The following CFAP47 variants were observed in gnomAD, a reference collection of about 807,000 sequenced individuals.
CFAP47 encodes the protein cilia and flagella associated protein 47.
CFAP47 carries 29 observed loss-of-function variants against 148.1 expected under a neutral mutation model. The ratio of observed to expected loss-of-function variants is 0.20; its 90% CI spans 0.15 to 0.27. CFAP47 has a LOEUF of 0.27. Ranked by LOEUF, CFAP47 falls within the 10% of genes least tolerant of loss-of-function variation. CFAP47 has a pLI of 1.00. For missense variants in CFAP47, 1,872 were observed against 1,697.5 expected (o/e 1.10, Z -1.81); for synonymous variants, 664 against 577.3 (o/e 1.15, Z -2.15).
At chrX:36,227,834 C>T (rs1421893742) in intron 45 of CFAP47, among the ~76,000 whole-genome samples, 5 of 111,892 alleles carry the variant, frequency 4.5e-5, no homozygotes, top group Non-Finnish European at 9.4e-5. Flanking sequence ...CTGCATTCTA[C>T]TTTAGGGTTG....
chrX:36,085,036 T>A (rs988067691), intron 29 of CFAP47, among the ~76,000 whole-genome samples: 11 of 111,452 alleles, frequency 9.9e-5, no homozygotes, highest in African/African-American at 3.2e-4. Flanking sequence ...CTCTATTCTG[T>A]TTCTCAAGAT....
chrX:35,962,071 T>C lies in CFAP47; in HGVS notation c.1411-4494T>C, dbSNP rs760060751. 2.7e-5 allele frequency among the ~76,000 whole-genome samples: 3 copies of C among 111,890 alleles called. No individual in the cohort carries two copies. The East Asian group carries it at 8.4e-4, about 31-fold the overall frequency. On this transcript the variant is annotated intron_variant, in intron 8 of 63. Transcript: ENST00000378653. ...GAATTCCCCTTGTGGTTTTATTCTTTAATCTATTGGTTATTTAGACATGTA... is the reference window on the plus strand; with the variant it reads ...GAATTCCCCTTGTGGTTTTATTCTTCAATCTATTGGTTATTTAGACATGTA...
chrX:36,143,708 A>G lies in CFAP47; in HGVS notation c.5536-1511A>G, dbSNP rs143290318. Among the ~76,000 whole-genome samples the G allele has an allele frequency of 5.2e-3, 582 of 111,734 alleles. 4 individuals are homozygous for G. Among genetic ancestry groups the G allele is most frequent in the African/African-American group, 0.017 (533 of 30,745 alleles). On this transcript the variant is annotated intron_variant, in intron 35 of 63. Transcript: ENST00000378653. ...TTTGGCTTCAGCTTACGTTCTGGCT[A>G]TGTTTATTGTCCTGATACCATTGCG...
chrX:36,102,979 T>C (rs1042244227), intron 32 of CFAP47, among the ~76,000 whole-genome samples: 1 of 111,567 alleles, frequency 9.0e-6, no homozygotes, highest in African/African-American at 3.3e-5. Flanking sequence ...CTTCTTATAG[T>C]GGTAAACAAA....
rs782613084 is a variant in CFAP47, at chrX:36,366,957, A to G, written c.9024-9A>G. On this transcript the variant is annotated splice_polypyrimidine_tract_variant and intron_variant, in intron 61 of 63. Transcript: ENST00000378653. Reference sequence around the variant, plus strand: ...GTAGTGTCATTTAAAATCTCCTTTTATATTCAAGGTCTCACATAACACTGA... The same window carrying G: ...GTAGTGTCATTTAAAATCTCCTTTTGTATTCAAGGTCTCACATAACACTGA... 147 of 1,096,927 alleles carry G rather than the reference A, an allele frequency of 1.3e-4. No individual in the cohort carries two copies. The African/African-American group carries it at 2.4e-3, about 18-fold the overall frequency. The allele number at this position is 1,096,927 out of a possible 1,213,427, so 90.4% of individuals were successfully genotyped here. A position where few individuals can be genotyped will look rare whatever the true frequency, so the allele number is the denominator to read the frequency against.
intron 15 of CFAP47, among the ~76,000 whole-genome samples, chrX:35,978,613 A>AAT (rs1461432272): frequency 2.7e-5 from 3 of 112,048 alleles, no homozygotes; most frequent in Non-Finnish European, 3.8e-5. Context: ...ACAAAAATAT[A>AAT]ATCCTCAAAT....
At chrX:36,325,105 C>T (rs949308896) in intron 57 of CFAP47, among the ~76,000 whole-genome samples, 2 of 111,364 alleles carry the variant, frequency 1.8e-5, no homozygotes, top group South Asian at 3.7e-4. Context: ...TTCAGTTATT[C>T]GTATGTTACC....
chrX:35,951,066 A>T, intron 4 of CFAP47, 65 bp from the exon 5 acceptor site: 1 of 815,362 alleles, frequency 1.2e-6, no homozygotes, highest in Non-Finnish European at 1.8e-6. Flanking sequence ...TGTGTGGGAG[A>T]AAAACAAAGT....
At chrX:36,372,042 A>G (rs913161507) in intron 62 of CFAP47, among the ~76,000 whole-genome samples, 7 of 100,715 alleles carry the variant, frequency 7.0e-5, no homozygotes, top group African/African-American at 1.2e-4. Context: ...GTGTGTGTGT[A>G]TATATATATA....
At chrX:36,058,799 C>A (rs1937573130) in intron 26 of CFAP47, among the ~76,000 whole-genome samples, 1 of 111,726 alleles carries the variant, frequency 9.0e-6, no homozygotes, top group Admixed American at 9.6e-5. Context: ...CAATCATATT[C>A]CCTTTGAAAG....
At chrX:36,248,626 G>A (rs1365185610) in intron 48 of CFAP47, among the ~76,000 whole-genome samples, 1 of 108,399 alleles carries the variant, frequency 9.2e-6, no homozygotes, top group Admixed American at 1.0e-4. Context: ...TCAATAATGG[G>A]TAATTAACTA....
chrX:36,210,136 G>T (rs1940083929), intron 45 of CFAP47, among the ~76,000 whole-genome samples: 1 of 111,976 alleles, frequency 8.9e-6, no homozygotes, highest in Non-Finnish European at 1.9e-5. Flanking sequence ...CTACCTTTTA[G>T]CTACCATGAA....
At chrX:35,923,833 A>G (rs764111785) in intron 1 of CFAP47, among the ~76,000 whole-genome samples, 47 of 77,328 alleles carry the variant, frequency 6.1e-4, no homozygotes, top group Admixed American at 1.7e-3. Context: ...AAAAAAGTGT[A>G]TATATATATA....
chrX:36,029,868 C>G (rs1294805780), intron 22 of CFAP47, among the ~76,000 whole-genome samples: 1 of 110,022 alleles, frequency 9.1e-6, no homozygotes, highest in African/African-American at 3.3e-5. Flanking sequence ...CTTATTTTGG[C>G]AGTTTTAAAT....
At chrX:35,967,411 A>G (rs1248059667) in intron 9 of CFAP47, among the ~76,000 whole-genome samples, 1 of 110,868 alleles carries the variant, frequency 9.0e-6, no homozygotes, top group Non-Finnish European at 1.9e-5. Flanking sequence ...TTATATTTTT[A>G]TATATGCATT....
At chrX:36,174,584 T>G (rs1419350933) in intron 39 of CFAP47, among the ~76,000 whole-genome samples, 4 of 109,107 alleles carry the variant, frequency 3.7e-5, no homozygotes, top group Non-Finnish European at 7.7e-5. Context: ...GGATATGAAA[T>G]TCTGGGTTGA....
chrX:36,048,729 A>G (rs1237946153), intron 26 of CFAP47, among the ~76,000 whole-genome samples: 4 of 112,100 alleles, frequency 3.6e-5, no homozygotes, highest in Admixed American at 2.8e-4. Context: ...TGCAAAAGCA[A>G]TTGCAGTTTT....
chrX:36,175,570 A>G (rs1033575336), intron 39 of CFAP47, among the ~76,000 whole-genome samples: 1 of 111,779 alleles, frequency 8.9e-6, no homozygotes, highest in Non-Finnish European at 1.9e-5. Context: ...GTGAAGTGTC[A>G]GTCTGCCCCT....
Position 36,175,764 on chromosome X carries a change from C to T in CFAP47, c.6027-3581C>T, listed in dbSNP as rs761687783. On this transcript the variant is annotated intron_variant, in intron 39 of 63. Transcript: ENST00000378653. ...ACTGCTGTCTTTTTGTTTGTCTGTGCCCTGCCCCCAGAGGTGGAGCCTACA... is the reference window on the plus strand; with the variant it reads ...ACTGCTGTCTTTTTGTTTGTCTGTGTCCTGCCCCCAGAGGTGGAGCCTACA... Among the ~76,000 whole-genome samples the T allele has an allele frequency of 5.2e-3, 499 of 96,761 alleles. 4 individuals carry two copies. Among genetic ancestry groups the T allele is most frequent in the African/African-American group, 0.017 (451 of 26,934 alleles). 84.0% of individuals were successfully genotyped at this position (96,761 alleles called of 115,157 possible). A position where few individuals can be genotyped will look rare whatever the true frequency, so the allele number is the denominator to read the frequency against.
Sources: gnomAD v4.1 joint callset for allele counts (sites outside exome capture counted in the v4.1 genomes callset) on GRCh38, gnomAD v4.1.1 for gene constraint, MANE v1.5 for transcripts, NCBI Gene and HGNC (gene_info 2026-07-23, HGNC 2026-07-21) for gene names.